Variants in APPL1 observed in about 807,000 individuals in gnomAD.
APPL1 encodes the protein adaptor protein, phosphotyrosine interacting with PH domain and leucine zipper 1, also known as DCC-interacting protein 13-alpha.
APPL1 carries 42 observed loss-of-function variants against 106.8 expected under a neutral mutation model. The ratio of observed to expected loss-of-function variants is 0.39; its 90% CI spans 0.31 to 0.51. The LOEUF is 0.51. Among genes scored for constraint, APPL1 ranks in the 20% least tolerant of loss-of-function variants. The pLI is 0.75. For synonymous variants in APPL1, 263 were observed against 281.8 expected (o/e 0.93, Z 0.67); for missense variants, 769 against 858.2 (o/e 0.90, Z 1.30).
In APPL1 at chr3:57,240,469, G is replaced by A; in HGVS notation, c.290G>A (p.Ser97Asn). 6.2e-7 allele frequency: 1 copy of A among 1,613,454 alleles called. No homozygotes were observed. The highest frequency in any genetic ancestry group is 8.5e-7 in the Non-Finnish European group (1 of 1,179,642). ...QQFSKVIDEL[S>N]SCHAVLSTQL... Reference sequence around the variant, plus strand: ...TTTTGGTCTTTCTTTTTCTAGCTTAGCTCTTGTCATGCAGTGCTTTCAACT... The same window carrying A: ...TTTTGGTCTTTCTTTTTCTAGCTTAACTCTTGTCATGCAGTGCTTTCAACT... The change falls in exon 5 of 22, where the codon AGC becomes AAC. Residue 97 changes from serine to asparagine, a missense_variant. Transcript: ENST00000288266.
At chr3:57,246,459 C>T (rs1313378340) in intron 8 of APPL1, among the ~76,000 whole-genome samples, 1 of 152,158 alleles carries the variant, frequency 6.6e-6, no homozygotes, top group African/African-American at 2.4e-5. Flanking sequence ...ACTTGTTCAC[C>T]ATAGCTGGGG....
intron 21 of APPL1, 135 bp downstream of exon 21, chr3:57,268,622 AC>A: frequency 1.0e-6 from 1 of 990,164 alleles, no homozygotes. Flanking sequence ...GATGATTCAT[AC>A]CATAGCAGAA....
At chr3:57,256,657 C>T (rs2060838041) in intron 13 of APPL1, among the ~76,000 whole-genome samples, 1 of 151,846 alleles carries the variant, frequency 6.6e-6, no homozygotes, top group Non-Finnish European at 1.5e-5. Flanking sequence ...GTAAAGAAAA[C>T]AATATTTTCT....
chr3:57,235,099 T>C (rs1158725733), intron 1 of APPL1, among the ~76,000 whole-genome samples: 1 of 152,218 alleles, frequency 6.6e-6, no homozygotes, highest in African/African-American at 2.4e-5. Context: ...TTTTATATGC[T>C]GAAGAGTCGG....
At chr3:57,231,338 CAAAAAAAAA>C in intron 1 of APPL1, among the ~76,000 whole-genome samples, 1 of 72,234 alleles carries the variant, frequency 1.4e-5, no homozygotes, top group East Asian at 4.5e-4. Context: ...GACTCCGTCT[CAAAAAAAAA>C]AAAAAAAAAA....
At chr3:57,230,682 A>G (rs2060681589) in intron 1 of APPL1, 4 of 393,026 alleles carry the variant, frequency 1.0e-5, no homozygotes, top group Non-Finnish European at 2.0e-5. Flanking sequence ...TGGAGCATAA[A>G]TTTTCTTCTC....
rs574603166 is a variant in APPL1 at position 57,268,496 on chromosome 3, T to C, written c.1983+9T>C. 6.3e-7 allele frequency: 1 copy of C among 1,580,624 alleles called. No individual in the cohort carries two copies. Among genetic ancestry groups the C allele is most frequent in the Non-Finnish European group, 8.6e-7 (1 of 1,167,966 alleles). On this transcript the variant is annotated intron_variant, in intron 21 of 21. Transcript: ENST00000288266. ...AAAAACAGATTGAAAAGGTATACAG[T>C]CCTAATGTCTGGATCTTTATGTGTT...
At chr3:57,258,762 A>G in intron 15 of APPL1, 1 of 311,446 alleles carries the variant, frequency 3.2e-6, no homozygotes, top group South Asian at 1.2e-4. Flanking sequence ...CTTTTGCAAC[A>G]TGGTTTATTA....
intron 13 of APPL1, among the ~76,000 whole-genome samples, chr3:57,256,556 T>G (rs963807054): frequency 1.3e-5 from 2 of 152,226 alleles, no homozygotes; most frequent in African/African-American, 4.8e-5. Flanking sequence ...ATTTCTTTAT[T>G]CAACAAATGT....
At chr3:57,251,053 C>T (rs1475831719) in intron 11 of APPL1, among the ~76,000 whole-genome samples, 16 of 148,700 alleles carry the variant, frequency 1.1e-4, no homozygotes, top group Non-Finnish European at 2.2e-4. Flanking sequence ...GTGATCCGCC[C>T]GCCTCGGCCT....
rs113627673 is a variant in APPL1, at chr3:57,263,119, G to A, written c.1842+2345G>A. Among the ~76,000 whole-genome samples, 379 of 152,204 alleles carry A rather than the reference G, an allele frequency of 2.5e-3. 1 individual carries two copies. The highest frequency in any genetic ancestry group is 4.2e-3 in the Non-Finnish European group (289 of 68,014). ...GCCTGCCTCGGCCTCCCAAAGTGCT[G>A]GGATTACAGGTGTGAGCCACCTCGC... On this transcript the variant is annotated intron_variant, in intron 19 of 21. Transcript: ENST00000288266.
At position 57,271,929 on chromosome 3, in the gene APPL1, A is replaced by G. The variant is rs2107616368; in HGVS notation, c.*2242A>G. On this transcript the variant is annotated 3_prime_UTR_variant, in exon 22 of 22. Transcript: ENST00000288266. ...ACTATATGAACTATTCCATTACTGC[A>G]GAGATTTAAGTATCTGTTTTAATAA... 6.6e-6 allele frequency: 1 copy of G among 151,790 alleles called. No homozygotes were observed. Among genetic ancestry groups the G allele is most frequent in the East Asian group, 1.9e-4 (1 of 5,190 alleles). 9.4% of individuals were successfully genotyped at this position (151,790 alleles called of 1,614,324 possible). A position where few individuals can be genotyped will look rare whatever the true frequency, so the allele number is the denominator to read the frequency against.
At chr3:57,268,224 C>A in intron 20 of APPL1, 174 bp from the exon 21 acceptor site, 1 of 625,368 alleles carries the variant, frequency 1.6e-6, no homozygotes, top group Non-Finnish European at 2.6e-6. Context: ...CTATTACCAA[C>A]ATAGCATTTA....
At chr3:57,240,729 C>A (rs1205714319) in intron 5 of APPL1, among the ~76,000 whole-genome samples, 177 bp downstream of exon 5, 1 of 152,168 alleles carries the variant, frequency 6.6e-6, no homozygotes, top group African/African-American at 2.4e-5. Flanking sequence ...TTGAGAAATA[C>A]CGATATGGAT....
intron 13 of APPL1, among the ~76,000 whole-genome samples, chr3:57,256,329 T>G (rs201786087): frequency 2.2e-5 from 1 of 45,140 alleles, no homozygotes; most frequent in African/African-American, 8.8e-5. Flanking sequence ...TTAAATACCA[T>G]TTTTTATTTA....
At chr3:57,233,886 A>G (rs1327430015) in intron 1 of APPL1, among the ~76,000 whole-genome samples, 1 of 152,158 alleles carries the variant, frequency 6.6e-6, no homozygotes, top group Non-Finnish European at 1.5e-5. Flanking sequence ...GTTTGAAACC[A>G]GCCTGAGCAG....
At chr3:57,237,064 A>G (rs2060720072) in intron 2 of APPL1, among the ~76,000 whole-genome samples, 2 of 152,206 alleles carry the variant, frequency 1.3e-5, no homozygotes, top group African/African-American at 4.8e-5. Flanking sequence ...AAAGTTTTTC[A>G]TATGGCTGTG....
intron 1 of APPL1, among the ~76,000 whole-genome samples, chr3:57,233,574 T>C (rs544510275): frequency 1.2e-4 from 19 of 152,292 alleles, no homozygotes; most frequent in African/African-American, 4.6e-4. Flanking sequence ...CTTTCTTTTT[T>C]ACATCTTAAA....
intron 19 of APPL1, among the ~76,000 whole-genome samples, chr3:57,265,053 A>G (rs1267494356): frequency 6.6e-6 from 1 of 152,032 alleles, no homozygotes; most frequent in Non-Finnish European, 1.5e-5. Context: ...TGGACATTTT[A>G]ACAATATTGA....
Sources: gnomAD v4.1 joint callset for allele counts (sites outside exome capture counted in the v4.1 genomes callset) on GRCh38, gnomAD v4.1.1 for gene constraint, MANE v1.5 for transcripts, NCBI Gene and HGNC (gene_info 2026-07-23, HGNC 2026-07-21) for gene names.